SNRPD3: variants seen among roughly 807,000 people sequenced by gnomAD.
SNRPD3 encodes small nuclear ribonucleoprotein Sm D3.
For missense variants in SNRPD3, 73 were observed against 167.5 expected, an observed-to-expected ratio of 0.44 and a Z score of 3.11; for synonymous variants, 66 against 58.4, an observed-to-expected ratio of 1.13 and a Z score of -0.59.
intron 1 of SNRPD3, among the ~76,000 whole-genome samples, chr22:24,557,115 C>T (rs1382493520): frequency 6.6e-6 from 1 of 152,142 alleles, no homozygotes; most frequent in Admixed American, 6.5e-5. Context: ...CCGTTGAGGA[C>T]TTGGAATATG....
intron 2 of SNRPD3, among the ~76,000 whole-genome samples, chr22:24,561,197 T>C (rs1299396777): frequency 6.6e-6 from 1 of 151,178 alleles, no homozygotes; most frequent in African/African-American, 2.4e-5. Context: ...CTCAGTCTTC[T>C]AAGTATCCAG....
At position 24,573,175 on chromosome 22, in the gene SNRPD3, G is replaced by A. The variant is rs1047030973; in HGVS notation, c.*1198G>A. ...GCTATGACCTTGCCACTGTACTCCA[G>A]CCTGGGCAAAAGAGCAAGACTTTGT... On this transcript the variant is annotated 3_prime_UTR_variant, in exon 4 of 4. Transcript: ENST00000215829. Among the ~76,000 whole-genome samples, 1 of 152,114 alleles carries A rather than the reference G, an allele frequency of 6.6e-6. No homozygotes were observed. Among genetic ancestry groups the A allele is most frequent in the African/African-American group, 2.4e-5 (1 of 41,418 alleles).
chr22:24,555,741 G>T, upstream of SNRPD3: 8 of 1,550,654 alleles, frequency 5.2e-6, no homozygotes, highest in Non-Finnish European at 7.0e-6. Flanking sequence ...CCTGTCCTTG[G>T]TGTGGGGTGC....
chr22:24,567,019 C>T (rs949359697), intron 2 of SNRPD3, among the ~76,000 whole-genome samples: 2 of 152,208 alleles, frequency 1.3e-5, no homozygotes, highest in African/African-American at 4.8e-5. Flanking sequence ...CTGTAGGCTC[C>T]TGCCCAAGTG....
intron 2 of SNRPD3, among the ~76,000 whole-genome samples, chr22:24,563,972 C>T (rs1323912041): frequency 6.7e-6 from 1 of 149,266 alleles, no homozygotes; most frequent in Non-Finnish European, 1.5e-5. Flanking sequence ...TCTTTAGACA[C>T]CTAGCCCTCT....
chr22:24,560,715 CTTTTTTTTTTT>C (rs59348518), intron 2 of SNRPD3, among the ~76,000 whole-genome samples: 1 of 98,842 alleles, frequency 1.0e-5, no homozygotes, highest in Non-Finnish European at 1.9e-5. Flanking sequence ...TGCACCTGGC[CTTTTTTTTTTT>C]TTTTTTTTTT....
At chr22:24,562,188 A>G (rs926221827) in intron 2 of SNRPD3, among the ~76,000 whole-genome samples, 3 of 152,208 alleles carry the variant, frequency 2.0e-5, no homozygotes, top group African/African-American at 7.2e-5. Flanking sequence ...TTTTTATTCT[A>G]TCCTCTTTCA....
intron 2 of SNRPD3, among the ~76,000 whole-genome samples, chr22:24,563,357 T>C (rs772129292): frequency 1.3e-5 from 2 of 151,678 alleles, no homozygotes; most frequent in Non-Finnish European, 2.9e-5. Flanking sequence ...AAACTCAGGA[T>C]GAGGTCCCTG....
Position 24,557,714 on chromosome 22 carries a change from G to A in SNRPD3, c.40G>A (p.Glu14Lys). ...GVPIKVLHEA[E>K]GHIVTCETNT... ...GCCGATTAAAGTACTGCATGAGGCC[G>A]AGGGCCACATTGTGACATGTGAGAC... Residue 14 changes from glutamate to lysine, a missense_variant, in exon 2 of 4, where the codon GAG becomes AAG. Physicochemically the swap from Glu to Lys is moderately conservative, Grantham distance 56 (BLOSUM62 1). Transcript: ENST00000215829. 1 of 1,612,200 alleles carries A rather than the reference G, an allele frequency of 6.2e-7. No individual in the cohort carries two copies. Among genetic ancestry groups the A allele is most frequent in the Non-Finnish European group, 8.5e-7 (1 of 1,178,632 alleles).
At chr22:24,562,446 A>G (rs1256599229) in intron 2 of SNRPD3, among the ~76,000 whole-genome samples, 1 of 152,134 alleles carries the variant, frequency 6.6e-6, no homozygotes, top group East Asian at 1.9e-4. Context: ...CGGGAGGCTG[A>G]GGCAGGAGAA....
chr22:24,564,141 T>C (rs2045173968), intron 2 of SNRPD3, among the ~76,000 whole-genome samples: 1 of 152,198 alleles, frequency 6.6e-6, no homozygotes, highest in Admixed American at 6.5e-5. Flanking sequence ...ATTCGTATTA[T>C]AGCAGTGGCA....
chr22:24,559,375 T>C (rs2045110997), intron 2 of SNRPD3, among the ~76,000 whole-genome samples: 1 of 152,346 alleles, frequency 6.6e-6, no homozygotes, highest in South Asian at 2.1e-4. Flanking sequence ...GCTTAAGGCA[T>C]GCTCATCCAC....
chr22:24,556,548 G>C (rs771377048), intron 1 of SNRPD3, among the ~76,000 whole-genome samples: 4 of 152,040 alleles, frequency 2.6e-5, no homozygotes, highest in Non-Finnish European at 5.9e-5. Flanking sequence ...CTCTGCCCCA[G>C]TCCCCTTTCA....
intron 2 of SNRPD3, among the ~76,000 whole-genome samples, chr22:24,560,090 A>ATTTT (rs71189257): frequency 0.15 from 13,621 of 88,838 alleles, 2,011 homozygotes; most frequent in Admixed American, 0.24. Context: ...TTTATAAAGA[A>ATTTT]TTTTTTTTTT....
At chr22:24,571,868 A>G (rs974531550) in intron 3 of SNRPD3, 48 bp from the exon 4 acceptor site, 1 of 1,608,406 alleles carries the variant, frequency 6.2e-7, no homozygotes, top group Admixed American at 1.7e-5. Flanking sequence ...TGCTATGAGC[A>G]TTCACCGACC....
intron 2 of SNRPD3, among the ~76,000 whole-genome samples, chr22:24,561,728 A>AT (rs1457800989): frequency 6.6e-6 from 1 of 152,200 alleles, no homozygotes; most frequent in Non-Finnish European, 1.5e-5. Context: ...GTGGGACAAA[A>AT]TGTGGTGGCT....
rs868845080 is a variant in SNRPD3 at position 24,572,924 on chromosome 22, G to C, written c.*947G>C. 2.6e-5 allele frequency among the ~76,000 whole-genome samples: 4 copies of C among 152,196 alleles called. No individual in the cohort carries two copies. Among genetic ancestry groups the C allele is most frequent in the Non-Finnish European group, 4.4e-5 (3 of 68,044 alleles). ...ATCCATAGTTGTTAATGTAGGAAGG[G>C]TGACCAGCAGCTCAGCACAGTGGCT... On this transcript the variant is annotated 3_prime_UTR_variant, in exon 4 of 4. Transcript: ENST00000215829.
In SNRPD3 at chr22:24,573,296, T is replaced by C. The variant is rs1441278943; in HGVS notation, c.*1319T>C. 3.9e-5 allele frequency among the ~76,000 whole-genome samples: 6 copies of C among 152,004 alleles called. No homozygotes were observed. The highest frequency in any genetic ancestry group is 8.8e-5 in the Non-Finnish European group (6 of 67,990). On this transcript the variant is annotated 3_prime_UTR_variant, in exon 4 of 4. Coordinates refer to ENST00000215829, the MANE Select transcript of SNRPD3 (RefSeq NM_004175.5). ...AAACTGGAAAAGCAGCCTGAAAAAA[T>C]CAAATCACCAAAAAGAGGTCTTGCC...
At chr22:24,558,280 GA>G (rs1213782872) in intron 2 of SNRPD3, among the ~76,000 whole-genome samples, 1 of 152,220 alleles carries the variant, frequency 6.6e-6, no homozygotes. Flanking sequence ...TAGGGAGAAT[GA>G]GATTAAAGGG....
Sources: allele counts gnomAD v4.1 joint callset (sites outside exome capture counted in the v4.1 genomes callset), GRCh38; gene constraint gnomAD v4.1.1; transcripts MANE v1.5; gene names NCBI Gene and HGNC (gene_info 2026-07-23, HGNC 2026-07-21).